The following FAM184A variants were observed in gnomAD, a reference collection of about 807,000 sequenced individuals.
FAM184A encodes protein FAM184A.
FAM184A carries 99 observed loss-of-function variants against 143.8 expected under a neutral mutation model. The ratio of observed to expected loss-of-function variants is 0.69; its 90% CI spans 0.58 to 0.81. The LOEUF is 0.81. FAM184A is among the 40% of genes least tolerant of loss of function. The pLI, the probability that FAM184A is intolerant of heterozygous loss-of-function variation, is 0.00. For missense variants in FAM184A, 1,217 were observed against 1,310.5 expected (o/e 0.93, Z 1.10); for synonymous variants, 427 against 446.4 (o/e 0.96, Z 0.55).
chr6:118,989,986 G>A (rs1784324168), intron 9 of FAM184A, among the ~76,000 whole-genome samples: 1 of 151,586 alleles, frequency 6.6e-6, no homozygotes, highest in Non-Finnish European at 1.5e-5. Context: ...CCACCACCAT[G>A]CCCAGCTAAT....
rs184325395 is a variant in FAM184A at position 119,147,879 on chromosome 6, C to T, written c.-202+1199G>A. On this transcript the variant is annotated intron_variant, in intron 1 of 16. Coordinates refer to the FAM184A transcript ENST00000352896. ...CAGCTTCCCCAGGCCAACAGCCTCC[C>T]ATCAGGGCACACCTCAAGACTTCCC... 2.5e-3 allele frequency among the ~76,000 whole-genome samples: 386 copies of T among 152,366 alleles called. 1 individual carries two copies. The highest frequency in any genetic ancestry group is 2.7e-3 in the Non-Finnish European group (185 of 68,026).
rs553080995 is a variant in FAM184A at position 119,145,081 on chromosome 6, G to A, written c.-202+3997C>T. On this transcript the variant is annotated intron_variant, in intron 1 of 16. Coordinates refer to the FAM184A transcript ENST00000352896. ...GCATGTCCAGTGCTTCCCTTGTGCT[G>A]TAGCTGCAGCTGGTTTGTTCTTGAG... Among the ~76,000 whole-genome samples, 23 of 152,336 alleles carry A rather than the reference G, an allele frequency of 1.5e-4. No individual in the cohort carries two copies. In the East Asian group the frequency reaches 4.4e-3, roughly 29 times the overall value.
At chr6:119,048,317 C>A (rs1304260902) in intron 1 of FAM184A, among the ~76,000 whole-genome samples, 3 of 152,168 alleles carry the variant, frequency 2.0e-5, no homozygotes, top group Non-Finnish European at 4.4e-5. Flanking sequence ...TGAAAACCAG[C>A]ACAAGACAAG....
intron 14 of FAM184A, among the ~76,000 whole-genome samples, chr6:118,969,993 A>AAAATATATATATATATATAT (rs1554264562): frequency 9.0e-4 from 22 of 24,378 alleles, no homozygotes; most frequent in African/African-American, 3.0e-3. Flanking sequence ...ATATATATAT[A>AAAATATATATATATATATAT]ATATATATAT....
intron 16 of FAM184A, among the ~76,000 whole-genome samples, chr6:118,964,106 C>T (rs1783419373): frequency 6.6e-6 from 1 of 152,048 alleles, no homozygotes; most frequent in South Asian, 2.1e-4. Flanking sequence ...AGGAGGATCG[C>T]TTGAGCCCAA....
chr6:118,977,752 A>G (rs984170422), intron 11 of FAM184A, among the ~76,000 whole-genome samples: 1 of 152,164 alleles, frequency 6.6e-6, no homozygotes, highest in African/African-American at 2.4e-5. Flanking sequence ...CTTCATGGTA[A>G]TGGGAATGTT....
intron 6 of FAM184A, among the ~76,000 whole-genome samples, chr6:119,008,243 C>T (rs6927840): frequency 0.029 from 4,449 of 152,186 alleles, 212 homozygotes; most frequent in African/African-American, 0.1. Flanking sequence ...TCTTAGTAAG[C>T]GCTCAACTTA....
intron 1 of FAM184A, among the ~76,000 whole-genome samples, chr6:119,035,283 G>A (rs1474634537): frequency 6.6e-6 from 1 of 152,126 alleles, no homozygotes; most frequent in Non-Finnish European, 1.5e-5. Flanking sequence ...GGCTATGATA[G>A]GAAGAGGGGG....
chr6:119,138,512 A>G (rs1772098228), intron 1 of FAM184A, among the ~76,000 whole-genome samples: 1 of 152,118 alleles, frequency 6.6e-6, no homozygotes, highest in South Asian at 2.1e-4. Context: ...GCTGCCCTCC[A>G]TCCTGAAAGC....
chr6:119,106,367 TG>T, intron 1 of FAM184A, among the ~76,000 whole-genome samples: 1 of 152,232 alleles, frequency 6.6e-6, no homozygotes, highest in Middle Eastern at 3.4e-3. Flanking sequence ...CACTCCAGGG[TG>T]GGCGACAGAG....
intron 1 of FAM184A, among the ~76,000 whole-genome samples, chr6:119,122,817 C>T (rs554393749): frequency 3.3e-5 from 5 of 150,956 alleles, no homozygotes; most frequent in Admixed American, 6.6e-5. Flanking sequence ...CCCAGCTACT[C>T]GGGAGGCTGA....
At chr6:119,076,104 T>A (rs1399719520) in intron 1 of FAM184A, among the ~76,000 whole-genome samples, 1 of 151,960 alleles carries the variant, frequency 6.6e-6, no homozygotes, top group Non-Finnish European at 1.5e-5. Context: ...TTTATTGTCA[T>A]GACTGGGGGT....
intron 1 of FAM184A, among the ~76,000 whole-genome samples, chr6:119,073,825 C>T (rs1787776440): frequency 6.6e-6 from 1 of 152,164 alleles, no homozygotes; most frequent in Non-Finnish European, 1.5e-5. Context: ...AGAGAGAGGG[C>T]TGAACTGGGA....
At chr6:119,104,392 A>G (rs1788723288) in intron 1 of FAM184A, among the ~76,000 whole-genome samples, 1 of 152,236 alleles carries the variant, frequency 6.6e-6, no homozygotes, top group South Asian at 2.1e-4. Flanking sequence ...AGAATGTGGA[A>G]TCTCTAAAAT....
At chr6:119,139,881 A>G (rs991775891) in intron 1 of FAM184A, among the ~76,000 whole-genome samples, 1 of 152,192 alleles carries the variant, frequency 6.6e-6, no homozygotes, top group African/African-American at 2.4e-5. Flanking sequence ...CAATCACAGC[A>G]AGTGAAAAAT....
intron 1 of FAM184A, among the ~76,000 whole-genome samples, chr6:119,026,720 C>G (rs1785647606): frequency 6.6e-6 from 1 of 152,066 alleles, no homozygotes; most frequent in Non-Finnish European, 1.5e-5. Flanking sequence ...CAATAAAATA[C>G]CAAATTCCAA....
At position 118,980,356 on chromosome 6, in the gene FAM184A, C is replaced by A. The variant is rs1783984444; in HGVS notation, c.2089-6G>T. On this transcript the variant is annotated splice_polypyrimidine_tract_variant and splice_region_variant and intron_variant, in intron 9 of 17. Transcript: ENST00000338891. ...TTCTGTTTCAGCAAGGAAATCTATG[C>A]CCCAGAATGGTACACAATGAAGAAT... 1 of 1,610,126 alleles carries A rather than the reference C, an allele frequency of 6.2e-7. No individual in the cohort carries two copies. Among genetic ancestry groups the A allele is most frequent in the Admixed American group, 1.7e-5 (1 of 59,812 alleles).
chr6:119,025,610 T>A (rs768608756), intron 1 of FAM184A: 5 of 518,972 alleles, frequency 9.6e-6, no homozygotes, highest in Non-Finnish European at 1.9e-5. Flanking sequence ...TGACAACAAA[T>A]TCCCTGCACA....
chr6:118,973,531 G>A (rs1783758805), intron 14 of FAM184A, among the ~76,000 whole-genome samples: 1 of 152,268 alleles, frequency 6.6e-6, no homozygotes, highest in African/African-American at 2.4e-5. Context: ...ACTTTGACAT[G>A]AAGGATAATG....
Sources: gnomAD v4.1 joint callset for allele counts (sites outside exome capture counted in the v4.1 genomes callset) on GRCh38, gnomAD v4.1.1 for gene constraint, MANE v1.5 for transcripts, NCBI Gene and HGNC (gene_info 2026-07-23, HGNC 2026-07-21) for gene names.